FABP7: variants seen among roughly 807,000 people sequenced by gnomAD.
FABP7 encodes the protein fatty acid binding protein 7.
Under a neutral mutation model 14.2 loss-of-function variants are expected in FABP7, and 13 were observed. The observed-to-expected ratio is 0.91, with a 90% CI of 0.59 to 1.45. The LOEUF (loss-of-function observed/expected upper bound fraction) is 1.45. Ranked by LOEUF, FABP7 falls within the 40% of genes most tolerant of loss-of-function variation. FABP7 has a pLI of 0.00. For missense variants in FABP7, 149 were observed against 157.6 expected (o/e 0.95, Z 0.29); for synonymous variants, 49 against 51.4 (o/e 0.95, Z 0.20).
upstream of FABP7, among the ~76,000 whole-genome samples, chr6:122,775,097 A>G (rs933865011): frequency 4.6e-5 from 7 of 152,146 alleles, no homozygotes; most frequent in African/African-American, 1.7e-4. Flanking sequence ...TGATCTACAG[A>G]TTTAATGCAC....
rs756438860 is a variant in FABP7 at position 122,783,946 on chromosome 6, A to T, written c.*179A>T. 1.3e-5 allele frequency: 6 copies of T among 454,688 alleles called. No homozygotes were observed. Among genetic ancestry groups the T allele is most frequent in the African/African-American group, 1.0e-4 (5 of 48,452 alleles). The allele number at this position is 454,688 out of a possible 1,614,324, so 28.2% of individuals were successfully genotyped here. On this transcript the variant is annotated 3_prime_UTR_variant, in exon 4 of 4. Coordinates refer to ENST00000368444, the MANE Select transcript of FABP7 (RefSeq NM_001446.5). Reference sequence around the variant, plus strand: ...CAACTTGCCCAATTTTAATCTGAAAATTTATCATGTTTTATAATTTGAATT... The same window carrying T: ...CAACTTGCCCAATTTTAATCTGAAATTTTATCATGTTTTATAATTTGAATT...
chr6:122,772,721 G>A, the FABP7 span, among the ~76,000 whole-genome samples: 3 of 152,160 alleles, frequency 2.0e-5, no homozygotes, highest in African/African-American at 7.2e-5. Flanking sequence ...GCCCGGCCAA[G>A]TCTATACTTT....
At chr6:122,755,487 C>T in the FABP7 span, among the ~76,000 whole-genome samples, 3 of 135,870 alleles carry the variant, frequency 2.2e-5, no homozygotes, top group Non-Finnish European at 4.6e-5. Flanking sequence ...GAGACGGAGT[C>T]TCGCTCTGTA....
At chr6:122,755,794 T>A in the FABP7 span, among the ~76,000 whole-genome samples, 1 of 151,968 alleles carries the variant, frequency 6.6e-6, no homozygotes, top group Non-Finnish European at 1.5e-5. Context: ...ACCTTCCCAA[T>A]TTCTATGAGG....
chr6:122,756,705 C>G, the FABP7 span, among the ~76,000 whole-genome samples: 2 of 152,176 alleles, frequency 1.3e-5, no homozygotes, highest in African/African-American at 4.8e-5. Context: ...AAGCCACTCT[C>G]CTCCAGTCTA....
chr6:122,783,816 C>T lies in FABP7; in HGVS notation c.*49C>T. 6.8e-7 allele frequency: 1 copy of T among 1,470,850 alleles called. No individual in the cohort carries two copies. Among genetic ancestry groups the T allele is most frequent in the East Asian group, 2.3e-5 (1 of 43,518 alleles). The allele number at this position is 1,470,850 out of a possible 1,614,324, so 91.1% of individuals were successfully genotyped here. A position where few individuals can be genotyped will look rare whatever the true frequency, so the allele number is the denominator to read the frequency against. On this transcript the variant is annotated 3_prime_UTR_variant, in exon 4 of 4. Coordinates refer to ENST00000368444, the MANE Select transcript of FABP7 (RefSeq NM_001446.5). ...AAGAGCTCTTCAGTTTTTCTGTTTCCTCAAGTCTCAGTGCTATCCTATTAC... is the reference window on the plus strand; with the variant it reads ...AAGAGCTCTTCAGTTTTTCTGTTTCTTCAAGTCTCAGTGCTATCCTATTAC...
chr6:122,759,697 G>A, the FABP7 span, among the ~76,000 whole-genome samples: 1 of 152,220 alleles, frequency 6.6e-6, no homozygotes, highest in South Asian at 2.1e-4. Flanking sequence ...AGGAATATAA[G>A]GAGGCAGGAT....
intron 2 of FABP7, 85 bp from the exon 3 acceptor site, chr6:122,781,006 CAA>C: frequency 1.2e-5 from 17 of 1,448,444 alleles, no homozygotes; most frequent in Non-Finnish European, 1.3e-5. Flanking sequence ...TTCAATTATA[CAA>C]CTCTTTCAAA....
At chr6:122,758,485 G>A in the FABP7 span, among the ~76,000 whole-genome samples, 2 of 152,152 alleles carry the variant, frequency 1.3e-5, no homozygotes, top group Non-Finnish European at 2.9e-5. Flanking sequence ...AAAGATGAGT[G>A]CTGATAGGTG....
chr6:122,771,641 A>G, the FABP7 span, among the ~76,000 whole-genome samples: 1 of 152,200 alleles, frequency 6.6e-6, no homozygotes, highest in African/African-American at 2.4e-5. Context: ...CATGCATTTG[A>G]ACGCTTATTA....
At chr6:122,756,885 C>A in the FABP7 span, among the ~76,000 whole-genome samples, 1 of 152,204 alleles carries the variant, frequency 6.6e-6, no homozygotes, top group African/African-American at 2.4e-5. Flanking sequence ...GTTTTCCTCT[C>A]ATTTCACTGG....
chr6:122,770,102 G>T, the FABP7 span, among the ~76,000 whole-genome samples: 5 of 151,958 alleles, frequency 3.3e-5, no homozygotes, highest in African/African-American at 1.2e-4. Flanking sequence ...ATTTACATGA[G>T]AATTATCTTT....
At chr6:122,768,774 C>G in the FABP7 span, among the ~76,000 whole-genome samples, 2 of 152,152 alleles carry the variant, frequency 1.3e-5, no homozygotes, top group Admixed American at 1.3e-4. Flanking sequence ...AGAGAAGGAG[C>G]TGTATTATAT....
the FABP7 span, among the ~76,000 whole-genome samples, chr6:122,767,661 C>T: frequency 2.0e-5 from 3 of 151,576 alleles, no homozygotes; most frequent in East Asian, 5.8e-4. Context: ...CTGTAATTCC[C>T]CCACTTAGGG....
upstream of FABP7, chr6:122,779,572 T>C: frequency 1.7e-6 from 1 of 573,840 alleles, no homozygotes; most frequent in South Asian, 2.1e-5. Flanking sequence ...GATTGGAGCC[T>C]CACTCGAGCG....
chr6:122,761,061 G>A, the FABP7 span, among the ~76,000 whole-genome samples: 12 of 152,088 alleles, frequency 7.9e-5, no homozygotes, highest in East Asian at 2.1e-3. Context: ...CCCCAATTCT[G>A]TCTCTTAAAA....
At chr6:122,768,569 A>C in the FABP7 span, among the ~76,000 whole-genome samples, 1 of 152,170 alleles carries the variant, frequency 6.6e-6, no homozygotes, top group African/African-American at 2.4e-5. Context: ...GGATGCAGGA[A>C]TGTTTTCAAA....
At chr6:122,766,501 T>A in the FABP7 span, among the ~76,000 whole-genome samples, 1 of 152,054 alleles carries the variant, frequency 6.6e-6, no homozygotes, top group African/African-American at 2.4e-5. Context: ...AGGCAGATGG[T>A]AGAGTAGATC....
chr6:122,781,421 A>C (rs1175618643), intron 3 of FABP7: 4 of 1,413,868 alleles, frequency 2.8e-6, no homozygotes, highest in Non-Finnish European at 3.7e-6. Context: ...AAAAGAGAAA[A>C]ATTCATGTGT....
Sources: allele counts gnomAD v4.1 joint callset (sites outside exome capture counted in the v4.1 genomes callset), GRCh38; gene constraint gnomAD v4.1.1; transcripts MANE v1.5; gene names NCBI Gene and HGNC (gene_info 2026-07-23, HGNC 2026-07-21).